The following MLIP variants were observed in gnomAD, a reference collection of about 807,000 sequenced individuals.
MLIP encodes the protein muscular LMNA interacting protein.
Under a neutral mutation model 84.8 loss-of-function variants are expected in MLIP, and 79 were observed. That is an observed-to-expected ratio of 0.93 (90% CI 0.78 to 1.12). The LOEUF (loss-of-function observed/expected upper bound fraction) is 1.12, where lower values mean the gene tolerates loss of function less well. Ranked by LOEUF, MLIP falls within the 50% of genes most tolerant of loss-of-function variation. The pLI is 0.00. For synonymous variants in MLIP, 504 were observed against 463.0 expected, an observed-to-expected ratio of 1.09 and a Z score of -1.14; for missense variants, 1,257 against 1,160.6, an observed-to-expected ratio of 1.08 and a Z score of -1.21.
intron 4 of MLIP, among the ~76,000 whole-genome samples, chr6:54,139,663 T>C (rs1772124929): frequency 6.6e-6 from 1 of 152,204 alleles, no homozygotes; most frequent in Non-Finnish European, 1.5e-5. Context: ...TTGATAATAC[T>C]ATTTTCCCTA....
chr6:54,218,524 A>G (rs1003786164), intron 11 of MLIP, among the ~76,000 whole-genome samples: 4 of 152,060 alleles, frequency 2.6e-5, no homozygotes, highest in Admixed American at 6.6e-5. Context: ...CACTAAATTT[A>G]TTAATATTTT....
At chr6:54,088,293 G>T (rs1370138276) in intron 1 of MLIP, among the ~76,000 whole-genome samples, 1 of 152,142 alleles carries the variant, frequency 6.6e-6, no homozygotes, top group Non-Finnish European at 1.5e-5. Flanking sequence ...CTAAGTGGGA[G>T]CACCAATGGA....
At chr6:54,080,367 C>A (rs766852228) in intron 1 of MLIP, among the ~76,000 whole-genome samples, 55 of 152,162 alleles carry the variant, frequency 3.6e-4, no homozygotes, top group Admixed American at 2.2e-3. Flanking sequence ...CTTCACCCCC[C>A]ACCCCAGTTT....
intron 11 of MLIP, among the ~76,000 whole-genome samples, chr6:54,221,795 A>C (rs1381673219): frequency 6.6e-6 from 1 of 152,116 alleles, no homozygotes; most frequent in East Asian, 1.9e-4. Context: ...TGCAAACAAA[A>C]CAAAATATTA....
At chr6:54,123,429 A>T (rs752423463) in intron 2 of MLIP, among the ~76,000 whole-genome samples, 2 of 152,226 alleles carry the variant, frequency 1.3e-5, no homozygotes, top group Non-Finnish European at 2.9e-5. Flanking sequence ...ATAGGGAAAG[A>T]TGGGCAGAGA....
chr6:54,250,261 G>A (rs370795006), intron 12 of MLIP, among the ~76,000 whole-genome samples: 1 of 152,022 alleles, frequency 6.6e-6, no homozygotes, highest in African/African-American at 2.4e-5. Context: ...CACTGTTGGT[G>A]GGAGTGCAAA....
intron 3 of MLIP, 146 bp from the exon 4 acceptor site, chr6:54,136,569 C>A: frequency 1.4e-6 from 1 of 739,862 alleles, no homozygotes; most frequent in Non-Finnish European, 2.0e-6. Flanking sequence ...GCCTCATTAG[C>A]AAAATAGAAT....
chr6:54,034,059 T>C (rs1764289199), intron 1 of MLIP, among the ~76,000 whole-genome samples: 1 of 152,230 alleles, frequency 6.6e-6, no homozygotes, highest in South Asian at 2.1e-4. Context: ...ATAACTTTTA[T>C]ATCACATATA....
chr6:54,172,658 T>C (rs1775884249), intron 9 of MLIP, among the ~76,000 whole-genome samples: 1 of 151,372 alleles, frequency 6.6e-6, no homozygotes. Context: ...CAAGAAAGTG[T>C]ATGGCTAATT....
chr6:54,075,668 T>C (rs1766759357), intron 1 of MLIP, among the ~76,000 whole-genome samples: 1 of 152,210 alleles, frequency 6.6e-6, no homozygotes, highest in Non-Finnish European at 1.5e-5. Flanking sequence ...CTAACTAACA[T>C]TTCTATGGGT....
At chr6:54,084,645 A>G (rs977512698) in intron 1 of MLIP, among the ~76,000 whole-genome samples, 3 of 152,194 alleles carry the variant, frequency 2.0e-5, no homozygotes, top group Non-Finnish European at 2.9e-5. Flanking sequence ...CTCTTTGCAA[A>G]TTCAGGAATT....
At chr6:54,039,413 G>A (rs1480801174) in intron 1 of MLIP, among the ~76,000 whole-genome samples, 1 of 151,910 alleles carries the variant, frequency 6.6e-6, no homozygotes, top group East Asian at 1.9e-4. Context: ...TAATGGTCAA[G>A]GCTGATCTCA....
At chr6:54,236,818 G>A (rs1197856707) in intron 12 of MLIP, among the ~76,000 whole-genome samples, 1 of 152,018 alleles carries the variant, frequency 6.6e-6, no homozygotes, top group Non-Finnish European at 1.5e-5. Context: ...GAGTTATAGT[G>A]CTGTTGGCCA....
At chr6:54,024,136 C>T (rs531201329) in intron 1 of MLIP, among the ~76,000 whole-genome samples, 84 of 152,330 alleles carry the variant, frequency 5.5e-4, no homozygotes, top group African/African-American at 1.8e-3. Context: ...CTTCAGCCTT[C>T]TCAGCAGCTG....
At chr6:54,261,692 C>G in intron 13 of MLIP, 1 of 985,152 alleles carries the variant, frequency 1.0e-6, no homozygotes, top group Non-Finnish European at 1.2e-6. Context: ...ATTCCTCTGA[C>G]TTTATCCTCT....
At chr6:54,110,076 G>A (rs1397865156), upstream of MLIP, among the ~76,000 whole-genome samples, 3 of 149,504 alleles carry the variant, frequency 2.0e-5, no homozygotes, top group Non-Finnish European at 4.4e-5. Flanking sequence ...TCCGCCTCCC[G>A]GATTCATGCC....
At chr6:54,234,033 T>G (rs1311187135) in intron 12 of MLIP, among the ~76,000 whole-genome samples, 1 of 152,210 alleles carries the variant, frequency 6.6e-6, no homozygotes, top group Non-Finnish European at 1.5e-5. Context: ...TGCCCACTTT[T>G]TGATGGGGTT....
chr6:54,097,843 T>C (rs942232769), intron 1 of MLIP, among the ~76,000 whole-genome samples: 8 of 152,138 alleles, frequency 5.3e-5, no homozygotes, highest in African/African-American at 1.2e-4. Context: ...AGGAAGACAA[T>C]TGACCAAGGT....
At chr6:54,143,595 A>G (rs1772520353) in intron 4 of MLIP, among the ~76,000 whole-genome samples, 1 of 152,182 alleles carries the variant, frequency 6.6e-6, no homozygotes, top group Non-Finnish European at 1.5e-5. Flanking sequence ...TAATGCAGCA[A>G]ATGTTACAGG....
Sources: allele counts gnomAD v4.1 joint callset (sites outside exome capture counted in the v4.1 genomes callset), GRCh38; gene constraint gnomAD v4.1.1; transcripts MANE v1.5; gene names NCBI Gene and HGNC (gene_info 2026-07-23, HGNC 2026-07-21).